The following PDXDC1 variants were observed in gnomAD, a reference collection of about 807,000 sequenced individuals.
The protein encoded by PDXDC1 is pyridoxal-dependent decarboxylase domain-containing protein 1.
In PDXDC1, 42 loss-of-function variants were observed where a neutral mutation model predicts 100.1. That is an observed-to-expected ratio of 0.42 (90% CI 0.33 to 0.54). PDXDC1 has a LOEUF of 0.54. Among genes scored for constraint, PDXDC1 ranks in the 20% least tolerant of loss-of-function variants. The probability of loss-of-function intolerance (pLI) is 0.10; values close to 1 mark genes in which losing one functional copy is unlikely to be tolerated. For missense variants in PDXDC1, 636 were observed against 979.2 expected (o/e 0.65, Z 4.68); for synonymous variants, 260 against 371.7 (o/e 0.70, Z 3.46).
chr16:15,029,625 C>T (rs1290117818), intron 15 of PDXDC1: 68 of 497,858 alleles, frequency 1.4e-4, no homozygotes, highest in African/African-American at 1.2e-3. Context: ...ACTACAACTC[C>T]CTGCCCGCCA....
intron 1 of PDXDC1, among the ~76,000 whole-genome samples, chr16:14,984,339 CTTAGAT>C (rs1404907492): frequency 1.7e-4 from 18 of 103,712 alleles, no homozygotes; most frequent in Non-Finnish European, 2.8e-4. Context: ...TTTTTTTTAA[CTTAGAT>C]TTGTCCTCAA....
intron 21 of PDXDC1, among the ~76,000 whole-genome samples, 153 bp downstream of exon 21, chr16:15,034,706 T>A (rs1180432581): frequency 6.6e-6 from 1 of 152,096 alleles, no homozygotes; most frequent in Non-Finnish European, 1.5e-5. Flanking sequence ...CAAGTTCTGG[T>A]GTGCCCTGTC....
intron 16 of PDXDC1, among the ~76,000 whole-genome samples, chr16:15,129,353 C>T (rs561771882): frequency 7.2e-4 from 110 of 151,828 alleles, no homozygotes; most frequent in African/African-American, 2.3e-3. Context: ...TAAGGGGAAT[C>T]GCTTAAACCC....
At chr16:14,981,254 C>T (rs1253922360) in intron 1 of PDXDC1, among the ~76,000 whole-genome samples, 1 of 152,260 alleles carries the variant, frequency 6.6e-6, no homozygotes, top group South Asian at 2.1e-4. Context: ...AATCAAGAAA[C>T]AGGAAAAGCA....
chr16:15,057,390 T>C (rs1234172729), intron 16 of PDXDC1, among the ~76,000 whole-genome samples: 1 of 152,220 alleles, frequency 6.6e-6, no homozygotes, highest in Non-Finnish European at 1.5e-5. Context: ...CTCACAAATG[T>C]AGGAGCTACT....
At chr16:15,140,161 A>G (rs1212060054), downstream of PDXDC1, among the ~76,000 whole-genome samples, 1 of 150,264 alleles carries the variant, frequency 6.7e-6, no homozygotes, top group Non-Finnish European at 1.5e-5. Context: ...AGAAGGGGAA[A>G]GAGCCGGGTG....
intron 16 of PDXDC1, among the ~76,000 whole-genome samples, chr16:15,132,420 TAGGGGAGGGAAGGGGG>T (rs1219071939): frequency 3.8e-5 from 1 of 26,424 alleles, no homozygotes; most frequent in Non-Finnish European, 7.3e-5. Context: ...GGGGAGGGGC[TAGGGGAGGGAAGGGGG>T]AGGGGAGGGG....
chr16:15,013,348 C>CAAAAAAAAAAAAAAAA (rs1310266362), intron 8 of PDXDC1, among the ~76,000 whole-genome samples: 2 of 111,828 alleles, frequency 1.8e-5, no homozygotes. Flanking sequence ...GACCCTATCT[C>CAAAAAAAAAAAAAAAA]AAAAAAAAAA....
rs369969404 is a variant in PDXDC1 at position 15,044,374 on chromosome 16, G to A, written c.1399+14318G>A. The A allele has an allele frequency of 3.8e-5, 62 of 1,613,388 alleles. No homozygotes were observed. The African/African-American group carries it at 3.9e-4, about 10-fold the overall frequency. On this transcript the variant is annotated intron_variant, in intron 16 of 16. Coordinates refer to the PDXDC1 transcript ENST00000535621. ...TGAGTTTTTGTGACAACTGCCTGTC[G>A]TCACTGAAGCCTCCAACAAGGTGTA...
At chr16:15,059,903 C>T (rs996075723) in intron 16 of PDXDC1, 4 of 170,204 alleles carry the variant, frequency 2.4e-5, no homozygotes, top group African/African-American at 9.6e-5. Context: ...GCAATGAATT[C>T]CATCAAGCTC....
chr16:14,990,517 T>A (rs1436954297), intron 1 of PDXDC1, among the ~76,000 whole-genome samples: 2 of 152,292 alleles, frequency 1.3e-5, no homozygotes, highest in Admixed American at 6.5e-5. Flanking sequence ...TCAGTTAATC[T>A]ACAACTTTTC....
At chr16:15,132,735 G>C in intron 16 of PDXDC1, 1 of 1,093,006 alleles carries the variant, frequency 9.1e-7, no homozygotes, top group Non-Finnish European at 1.4e-6. Context: ...CACTGGGCCA[G>C]CGCAGCAGCG....
At chr16:15,068,906 G>A (rs1443756845) in intron 16 of PDXDC1, among the ~76,000 whole-genome samples, 2 of 152,146 alleles carry the variant, frequency 1.3e-5, no homozygotes, top group Non-Finnish European at 2.9e-5. Context: ...TATTTTCTTA[G>A]GAGTTTCTTT....
intron 16 of PDXDC1, chr16:15,062,057 T>A: frequency 1.4e-6 from 1 of 728,768 alleles, no homozygotes; most frequent in Non-Finnish European, 2.2e-6. Flanking sequence ...CACACGCCTG[T>A]AGTCCCAGCT....
In PDXDC1 at chr16:15,086,424, A is replaced by T. The variant is rs1199553655; in HGVS notation, c.1400-52455A>T. The T allele has an allele frequency of 3.1e-6, 5 of 1,613,594 alleles. No homozygotes were observed. The South Asian group carries it at 5.5e-5, about 18-fold the overall frequency. ...GTCAAGTACATGATAGAAGAACGGA[A>T]TTCTAGCAGCCAGTTGATGATCTGG... On this transcript the variant is annotated intron_variant, in intron 16 of 16. Coordinates refer to the PDXDC1 transcript ENST00000535621.
chr16:15,041,744 A>G (rs2043824500), downstream of PDXDC1: 1 of 1,178,768 alleles, frequency 8.5e-7, no homozygotes, highest in South Asian at 1.2e-5. Context: ...ACTGCTGAGC[A>G]AGCCAACGAC....
At chr16:15,084,263 C>T (rs2045827002) in intron 16 of PDXDC1, among the ~76,000 whole-genome samples, 1 of 151,832 alleles carries the variant, frequency 6.6e-6, no homozygotes, top group South Asian at 2.1e-4. Context: ...AGAGGTCCAC[C>T]CCTCCAAAAG....
At chr16:15,020,068 C>T (rs1347201875) in intron 12 of PDXDC1, among the ~76,000 whole-genome samples, 8 of 145,472 alleles carry the variant, frequency 5.5e-5, no homozygotes, top group African/African-American at 1.0e-4. Flanking sequence ...GCCGAGATCG[C>T]GCCACTGCAC....
At position 15,017,544 on chromosome 16, in the gene PDXDC1, T is replaced by C. The variant is rs574123195; in HGVS notation, c.963+122T>C. On this transcript the variant is annotated intron_variant, in intron 11 of 22. Transcript: ENST00000396410. ...TACCCATAATTTCACTTCTATTTCA[T>C]TTTTTTAAAGAGAAACTTGTGAGAC... The C allele has an allele frequency of 6.5e-5, 48 of 738,872 alleles. No homozygotes were observed. The East Asian group carries it at 1.2e-3, about 19-fold the overall frequency. 45.8% of individuals were successfully genotyped at this position (738,872 alleles called of 1,614,324 possible). A position where few individuals can be genotyped will look rare whatever the true frequency, so the allele number is the denominator to read the frequency against.
Sources: gnomAD v4.1 joint callset for allele counts (sites outside exome capture counted in the v4.1 genomes callset) on GRCh38, gnomAD v4.1.1 for gene constraint, MANE v1.5 for transcripts, NCBI Gene and HGNC (gene_info 2026-07-23, HGNC 2026-07-21) for gene names.